USP40: variants seen among roughly 807,000 people sequenced by gnomAD.
USP40 encodes ubiquitin specific peptidase 40, also known as ubiquitin carboxyl-terminal hydrolase 40.
A neutral mutation model predicts 166.2 loss-of-function variants in USP40; 143 were observed. That is an observed-to-expected ratio of 0.86 (90% CI 0.75 to 0.99). USP40 has a LOEUF of 0.99. USP40 is among the 50% of genes least tolerant of loss of function. The pLI is 0.00. For synonymous variants in USP40, 498 were observed against 524.0 expected (o/e 0.95, Z 0.68); for missense variants, 1,444 against 1,479.7 (o/e 0.98, Z 0.40).
chr2:233,512,205 T>C (rs1380208301), intron 19 of USP40: 2 of 187,656 alleles, frequency 1.1e-5, no homozygotes, highest in African/African-American at 4.7e-5. Flanking sequence ...AAATTAAATC[T>C]AATGGTAAGA....
chr2:233,541,217 C>T (rs1422894659), intron 9 of USP40, among the ~76,000 whole-genome samples: 1 of 152,146 alleles, frequency 6.6e-6, no homozygotes, highest in African/African-American at 2.4e-5. Context: ...AATTGTATCT[C>T]CCCAAAATTC....
At chr2:233,551,982 T>C (rs925617682) in intron 6 of USP40, among the ~76,000 whole-genome samples, 9 of 152,158 alleles carry the variant, frequency 5.9e-5, no homozygotes, top group African/African-American at 2.2e-4. Flanking sequence ...AGAAGATTCA[T>C]AGCTTTCATG....
chr2:233,551,587 T>C (rs996265038), intron 6 of USP40, 68 bp from the exon 7 acceptor site: 3 of 1,458,870 alleles, frequency 2.1e-6, no homozygotes, highest in African/African-American at 2.9e-5. Flanking sequence ...TAATGTTTCT[T>C]AAGGTCTGAA....
rs952385972 is a variant in USP40, at chr2:233,507,523, C to T, written c.2613+2526G>A. On this transcript the variant is annotated intron_variant, in intron 21 of 31. Transcript: ENST00000678225. ...AAGAATAAAATCCTGTTATTTGTGA[C>T]AACATGGATGAACCTGGAAGACATC... is the stretch of plus-strand genomic sequence containing the variant. 5.3e-5 allele frequency among the ~76,000 whole-genome samples: 8 copies of T among 150,798 alleles called. No individual in the cohort carries two copies. The East Asian group carries it at 1.4e-3, about 26-fold the overall frequency.
rs773445920 is a variant in USP40, at chr2:233,540,789, C to G, written c.1063-20G>C. 4 of 1,578,064 alleles carry G rather than the reference C, an allele frequency of 2.5e-6. No homozygotes were observed. The highest frequency in any genetic ancestry group is 1.1e-5 in the South Asian group (1 of 89,866). On this transcript the variant is annotated intron_variant, in intron 9 of 31. Coordinates refer to ENST00000678225, the MANE Select transcript of USP40 (RefSeq NM_001365479.2). The stretch of plus-strand genomic sequence containing the variant: ...CTCCTCCTTATGAGAGAAACACAGT[C>G]ACTCAAGAAAATCTGATGAGAAATA...
chr2:233,476,867 C>A lies in USP40; in HGVS notation c.*525G>T, dbSNP rs1046174894. The A allele has an allele frequency of 5.2e-6, 1 of 192,442 alleles. No individual in the cohort carries two copies. Among genetic ancestry groups the A allele is most frequent in the Non-Finnish European group, 1.1e-5 (1 of 92,296 alleles). The allele number at this position is 192,442 out of a possible 1,614,324, so 11.9% of individuals were successfully genotyped here. ...AGACGTGGAGCATGCGGGGCCGGAACGAGTGGGGGAAATGAAGTCCTGAAA... is the reference window on the plus strand; with the variant it reads ...AGACGTGGAGCATGCGGGGCCGGAAAGAGTGGGGGAAATGAAGTCCTGAAA... On this transcript the variant is annotated 3_prime_UTR_variant, in exon 32 of 32. Coordinates refer to ENST00000678225, the MANE Select transcript of USP40 (RefSeq NM_001365479.2).
At chr2:233,566,166 G>C (rs1247869333) in intron 1 of USP40, among the ~76,000 whole-genome samples, 10 of 138,970 alleles carry the variant, frequency 7.2e-5, no homozygotes, top group Admixed American at 7.1e-4. Flanking sequence ...AGGGAGGGGG[G>C]AAGGGGAGCG....
At chr2:233,542,841 G>A (rs986556628) in intron 8 of USP40, among the ~76,000 whole-genome samples, 2 of 152,200 alleles carry the variant, frequency 1.3e-5, no homozygotes, top group Non-Finnish European at 2.9e-5. Flanking sequence ...TTGGGAATAC[G>A]AAACAAGTAA....
At chr2:233,485,152 T>C (rs2064866625) in intron 30 of USP40, among the ~76,000 whole-genome samples, 1 of 152,234 alleles carries the variant, frequency 6.6e-6, no homozygotes, top group South Asian at 2.1e-4. Context: ...GGCAGGATTA[T>C]TTCTTACATA....
At chr2:233,558,364 A>T (rs1206438511) in intron 4 of USP40, among the ~76,000 whole-genome samples, 1 of 151,822 alleles carries the variant, frequency 6.6e-6, no homozygotes, top group African/African-American at 2.4e-5. Flanking sequence ...TCAACCAATG[A>T]CTAGATTAAA....
intron 31 of USP40, among the ~76,000 whole-genome samples, chr2:233,479,628 C>CGTGT (rs72454809): frequency 0.018 from 2,594 of 145,434 alleles, 40 homozygotes; most frequent in African/African-American, 0.041. Flanking sequence ...TAGAATTTTA[C>CGTGT]GTGTGTGTGT....
intron 18 of USP40, among the ~76,000 whole-genome samples, chr2:233,515,415 C>T (rs1388239855): frequency 1.3e-5 from 2 of 152,158 alleles, no homozygotes; most frequent in Non-Finnish European, 2.9e-5. Context: ...TTATTTACTC[C>T]ACTGGGTGCA....
intron 10 of USP40, among the ~76,000 whole-genome samples, chr2:233,536,844 C>A (rs1339707371): frequency 6.6e-6 from 1 of 152,060 alleles, no homozygotes; most frequent in East Asian, 1.9e-4. Context: ...AAATACAGTA[C>A]AACTATTTAC....
rs908405369 is a variant in USP40, at chr2:233,493,721, T to C, written c.2791-170A>G. Among the ~76,000 whole-genome samples the C allele has an allele frequency of 6.6e-6, 1 of 152,220 alleles. No individual in the cohort carries two copies. Among genetic ancestry groups the C allele is most frequent in the African/African-American group, 2.4e-5 (1 of 41,466 alleles). On this transcript the variant is annotated intron_variant, in intron 24 of 31. Transcript: ENST00000678225. This position sits in a 1 kb window ranked among gnomAD's most constrained non-coding sequence, Gnocchi z 4.7. ...TTATACTTGTTTTTACAATCAAAAA[T>C]TTAAAATCATAAAAATCAGACTTTG...
intron 7 of USP40, among the ~76,000 whole-genome samples, chr2:233,550,074 G>A (rs1000893001): frequency 2.6e-5 from 4 of 152,106 alleles, no homozygotes; most frequent in Admixed American, 6.6e-5. Flanking sequence ...TGGCTTTGAC[G>A]TCTAAACTCA....
Position 233,488,281 on chromosome 2 carries a change from A to G in USP40, c.3155T>C (p.Ile1052Thr). 6.2e-7 allele frequency: 1 copy of G among 1,603,028 alleles called. No individual in the cohort carries two copies. The highest frequency in any genetic ancestry group is 8.5e-7 in the Non-Finnish European group (1 of 1,174,184). The change falls in exon 28 of 32, where the codon ATT becomes ACT. Residue 1052 changes from isoleucine (I) to threonine (T), a missense_variant. Coordinates refer to ENST00000678225, the MANE Select transcript of USP40 (RefSeq NM_001365479.2). Reference sequence around the variant, plus strand: ...CTGAAGGGGCTCTAAGCAGATCTCAATTCTCCGTCCTAGTTTATATTCCCT... The same window carrying G: ...CTGAAGGGGCTCTAAGCAGATCTCAGTTCTCCGTCCTAGTTTATATTCCCT... ...PLREYKLGRRIEICLEPLQKG... is the reference protein window; with the variant it reads ...PLREYKLGRRTEICLEPLQKG...
intron 18 of USP40, among the ~76,000 whole-genome samples, chr2:233,518,013 T>C (rs2067359108): frequency 6.6e-6 from 1 of 150,780 alleles, no homozygotes; most frequent in Admixed American, 6.6e-5. Flanking sequence ...ATAGTGGACT[T>C]TGGGGACTTG....
chr2:233,535,522 T>A (rs1432641256), intron 10 of USP40, among the ~76,000 whole-genome samples: 1 of 152,188 alleles, frequency 6.6e-6, no homozygotes, highest in Non-Finnish European at 1.5e-5. Context: ...AGCCCTACTG[T>A]AAGAGGAAGG....
In USP40 at chr2:233,523,310, G is replaced by C; in HGVS notation, c.2061C>G (p.Val687=). ...GACATCCAGCACTGTTGATGAAGAT[G>C]ACACCTGCTGGGATTGCTAAGGCTG... ...VLTALAIPAG[V]IFINSAGCPG... is the part of the protein sequence containing the mutation. Residue 687 remains valine (V), a synonymous_variant, in exon 16 of 32, where the codon GTC becomes GTG. Coordinates refer to ENST00000678225, the MANE Select transcript of USP40 (RefSeq NM_001365479.2). The C allele has an allele frequency of 6.2e-7, 1 of 1,614,008 alleles. No homozygotes were observed. The highest frequency in any genetic ancestry group is 8.5e-7 in the Non-Finnish European group (1 of 1,179,876).
Sources: gnomAD v4.1 joint callset for allele counts (sites outside exome capture counted in the v4.1 genomes callset) on GRCh38, gnomAD v4.1.1 for gene constraint, Gnocchi (gnomAD v3.1) non-coding constraint, MANE v1.5 for transcripts, NCBI Gene and HGNC (gene_info 2026-07-23, HGNC 2026-07-21) for gene names.